BTD: variants seen among roughly 807,000 people sequenced by gnomAD.
BTD encodes the protein biocytinase.
A neutral mutation model predicts 17.7 loss-of-function variants in BTD; 13 were observed. That is an observed-to-expected ratio of 0.74 (90% CI 0.48 to 1.17). The LOEUF is 1.17. Ranked by LOEUF, BTD falls within the 50% of genes most tolerant of loss-of-function variation. The pLI, the probability that BTD is intolerant of heterozygous loss-of-function variation, is 0.00. For synonymous variants in BTD, 240 were observed against 245.2 expected (o/e 0.98, Z 0.20); for missense variants, 674 against 650.4 (o/e 1.04, Z -0.39).
At chr3:15,613,370 G>T (rs941773503) in intron 1 of BTD, among the ~76,000 whole-genome samples, 1 of 152,080 alleles carries the variant, frequency 6.6e-6, no homozygotes, top group African/African-American at 2.4e-5. Flanking sequence ...AGCATCATCT[G>T]ATTTCTTTTG....
Position 15,635,331 on chromosome 3 carries a change from A to C in BTD, c.-16-93A>C. 1 of 1,577,154 alleles carries C rather than the reference A, an allele frequency of 6.3e-7. No homozygotes were observed. Among genetic ancestry groups the C allele is most frequent in the South Asian group, 1.1e-5 (1 of 89,776 alleles). ...CCGCAGTATCACTGCGAGTGAGTTTAATTGCTGGGATTAATAAATCACAGC... is the reference window on the plus strand; with the variant it reads ...CCGCAGTATCACTGCGAGTGAGTTTCATTGCTGGGATTAATAAATCACAGC... On this transcript the variant is annotated intron_variant, in intron 1 of 3. Coordinates refer to ENST00000643237, the MANE Select transcript of BTD (RefSeq NM_001370658.1). The surrounding 1 kb of genome is among the most constrained non-coding windows in gnomAD (Gnocchi z 4.1).
rs1157746177 is a variant in BTD at position 15,649,870 on chromosome 3, T to C, written c.*4382T>C. ...CATGCCTAGAGTAGCCACCTAGTAG[T>C]GAGTGACAGCTCTGTGCTGGATGCA... On this transcript the variant is annotated 3_prime_UTR_variant, in exon 4 of 4. Transcript: ENST00000643237. 6.6e-6 allele frequency among the ~76,000 whole-genome samples: 1 copy of C among 152,210 alleles called. No individual in the cohort carries two copies. Among genetic ancestry groups the C allele is most frequent in the African/African-American group, 2.4e-5 (1 of 41,442 alleles).
chr3:15,708,095 A>G (rs1284343772), intron 3 of BTD: 1 of 1,575,324 alleles, frequency 6.3e-7, no homozygotes, highest in East Asian at 2.3e-5. Flanking sequence ...CAAGAAAGAT[A>G]AAAGCCAGAG....
rs1575322567 is a variant in BTD, at chr3:15,712,316, T to C, written c.*2242T>C. The C allele has an allele frequency of 2.9e-6, 3 of 1,020,540 alleles. No homozygotes were observed. In the East Asian group the frequency reaches 7.9e-5, roughly 27 times the overall value. 63.2% of individuals were successfully genotyped at this position (1,020,540 alleles called of 1,614,324 possible). A position where few individuals can be genotyped will look rare whatever the true frequency, so the allele number is the denominator to read the frequency against. On this transcript the variant is annotated 3_prime_UTR_variant, in exon 4 of 4. Transcript: ENST00000672141. ...ACAAAGAGACCACTTAAGTGAAAGA[T>C]AACTAAGAGCCAAAATGTCTAACAC... is the stretch of plus-strand genomic sequence containing the variant.
intron 1 of BTD, among the ~76,000 whole-genome samples, chr3:15,627,327 A>G (rs1310500387): frequency 6.6e-6 from 1 of 152,180 alleles, no homozygotes; most frequent in African/African-American, 2.4e-5. Flanking sequence ...GGCTCAAGTG[A>G]TGCTCCCATC....
At chr3:15,623,227 GCCAAAC>G (rs1222294521) in intron 1 of BTD, among the ~76,000 whole-genome samples, 4 of 152,176 alleles carry the variant, frequency 2.6e-5, no homozygotes, top group Non-Finnish European at 4.4e-5. Context: ...TGGAGACACA[GCCAAAC>G]CATATCAGTT....
chr3:15,637,255 G>A (rs950666457), intron 2 of BTD, among the ~76,000 whole-genome samples: 1 of 152,008 alleles, frequency 6.6e-6, no homozygotes, highest in Non-Finnish European at 1.5e-5. Context: ...AGAACTGTAT[G>A]CAGCTATCCC....
intron 1 of BTD, among the ~76,000 whole-genome samples, chr3:15,622,134 T>A (rs900641976): frequency 6.6e-6 from 1 of 152,156 alleles, no homozygotes; most frequent in Non-Finnish European, 1.5e-5. Context: ...TCTCTATTGA[T>A]CTCCTGCTTT....
intron 3 of BTD, among the ~76,000 whole-genome samples, chr3:15,664,349 G>A (rs7617425): frequency 0.016 from 2,483 of 152,314 alleles, 76 homozygotes; most frequent in African/African-American, 0.056. Flanking sequence ...TTTTGAAAGA[G>A]CTCTAGCTTT....
chr3:15,692,139 C>T (rs1410263805), intron 3 of BTD, among the ~76,000 whole-genome samples: 3 of 99,010 alleles, frequency 3.0e-5, no homozygotes, highest in African/African-American at 9.5e-5. Context: ...GATTGTATCT[C>T]TAAATAAAAA....
rs2068083660 is a variant in BTD, at chr3:15,686,016, C to T, written c.400-24044C>T. On this transcript the variant is annotated intron_variant, in intron 3 of 3. Transcript: ENST00000672141. ...TTTCTGCTTACCCCTCTATGCAACG[C>T]TGTCCTTCCCCACTTATCTTTGGCA... 11 of 1,613,468 alleles carry T rather than the reference C, an allele frequency of 6.8e-6. No homozygotes were observed. The highest frequency in any genetic ancestry group is 9.3e-6 in the Non-Finnish European group (11 of 1,179,686).
At chr3:15,643,042 A>T (rs4684257) in intron 3 of BTD, among the ~76,000 whole-genome samples, 26,070 of 103,250 alleles carry the variant, frequency 0.25, 3,028 homozygotes, top group Non-Finnish European at 0.31. Context: ...AAAAAAAAAA[A>T]AATAAAATAA....
At chr3:15,720,796 G>T (rs2073646410) in intron 4 of BTD, 2 of 911,114 alleles carry the variant, frequency 2.2e-6, no homozygotes, top group Non-Finnish European at 3.3e-6. Context: ...ATATTTTAAA[G>T]ATTTATCCAT....
chr3:15,690,361 A>G, intron 3 of BTD: 1 of 702,276 alleles, frequency 1.4e-6, no homozygotes, highest in Non-Finnish European at 2.3e-6. Context: ...TCGAGAATTC[A>G]GGAAGTTAAC....
At chr3:15,684,697 G>A (rs1223083363) in intron 3 of BTD, 2 of 154,416 alleles carry the variant, frequency 1.3e-5, no homozygotes, top group Non-Finnish European at 2.9e-5. Flanking sequence ...ACCAGCCTGG[G>A]CAACATAGTG....
chr3:15,668,993 A>C (rs2066130994), intron 3 of BTD: 1 of 152,644 alleles, frequency 6.6e-6, no homozygotes, highest in Admixed American at 6.5e-5. Flanking sequence ...ATCTTTATTT[A>C]AAAGCCGAAA....
intron 3 of BTD, among the ~76,000 whole-genome samples, chr3:15,680,367 C>A (rs1349746960): frequency 6.6e-6 from 1 of 151,966 alleles, no homozygotes; most frequent in East Asian, 1.9e-4. Flanking sequence ...CCATGCCCAG[C>A]TAGCTTTTTT....
At chr3:15,657,554 C>T (rs1396320713), downstream of BTD, among the ~76,000 whole-genome samples, 1 of 152,154 alleles carries the variant, frequency 6.6e-6, no homozygotes, top group East Asian at 1.9e-4. Context: ...AATTAATGAG[C>T]TAATTAGGCT....
chr3:15,718,165 T>A (rs1214436492), intron 4 of BTD, among the ~76,000 whole-genome samples: 1 of 152,202 alleles, frequency 6.6e-6, no homozygotes, highest in Non-Finnish European at 1.5e-5. Context: ...CAACATATTG[T>A]GTGTAAGAGC....
Sources: allele counts gnomAD v4.1 joint callset (sites outside exome capture counted in the v4.1 genomes callset), GRCh38; gene constraint gnomAD v4.1.1; non-coding constraint Gnocchi (gnomAD v3.1); transcripts MANE v1.5; gene names NCBI Gene and HGNC (gene_info 2026-07-23, HGNC 2026-07-21).